Variants in ATL2 observed in about 807,000 individuals in gnomAD.
ATL2 encodes the protein atlastin GTPase 2, also known as atlastin-2.
A neutral mutation model predicts 73.9 loss-of-function variants in ATL2; 31 were observed. The observed-to-expected ratio is 0.42, with a 90% CI of 0.32 to 0.57. ATL2 has a LOEUF of 0.57. Ranked by LOEUF, ATL2 falls within the 20% of genes least tolerant of loss-of-function variation. The probability of loss-of-function intolerance (pLI) is 0.14; values close to 1 mark genes in which losing one functional copy is unlikely to be tolerated. For missense variants in ATL2, 738 were observed against 702.6 expected (o/e 1.05, Z -0.57); for synonymous variants, 291 against 237.5 (o/e 1.23, Z -2.07).
At chr2:38,365,126 G>A (rs75017053) in intron 1 of ATL2, among the ~76,000 whole-genome samples, 5,650 of 145,766 alleles carry the variant, frequency 0.039, 148 homozygotes, top group African/African-American at 0.073. Flanking sequence ...CAGTTAGCAA[G>A]GGAATCATAC....
chr2:38,342,874 T>A (rs955991926), intron 2 of ATL2, among the ~76,000 whole-genome samples: 2 of 151,792 alleles, frequency 1.3e-5, no homozygotes, highest in African/African-American at 4.8e-5. Flanking sequence ...AAACTTACAT[T>A]ACTGTATTGA....
chr2:38,368,870 C>T lies in ATL2; in HGVS notation c.118+8273G>A, dbSNP rs1486554919. ...CTGAGAGGTGGAGGTTGGAGGATCG[C>T]TTAACCCCAGGAGTTCGAGACTAGC... On this transcript the variant is annotated intron_variant, in intron 1 of 12. Coordinates refer to ENST00000378954, the MANE Select transcript of ATL2 (RefSeq NM_001135673.4). Among the ~76,000 whole-genome samples, 5 of 152,226 alleles carry T rather than the reference C, an allele frequency of 3.3e-5. No homozygotes were observed. The East Asian group carries it at 9.7e-4, about 29-fold the overall frequency.
intron 1 of ATL2, among the ~76,000 whole-genome samples, chr2:38,352,089 C>A (rs891027324): frequency 8.0e-6 from 1 of 125,348 alleles, no homozygotes; most frequent in Non-Finnish European, 1.6e-5. Context: ...CCAGCCTGGG[C>A]GACAGAGCAA....
At chr2:38,301,726 C>T (rs192460951) in intron 9 of ATL2, among the ~76,000 whole-genome samples, 436 of 152,312 alleles carry the variant, frequency 2.9e-3, no homozygotes, top group Non-Finnish European at 4.6e-3. Context: ...GCTCTGAGGT[C>T]CTGAATAAAC....
chr2:38,339,257 C>A (rs1194697458), intron 2 of ATL2, among the ~76,000 whole-genome samples: 1 of 151,902 alleles, frequency 6.6e-6, no homozygotes, highest in Non-Finnish European at 1.5e-5. Flanking sequence ...GGCTGAGAAA[C>A]TCACAGACCA....
intron 11 of ATL2, 92 bp from the exon 12 acceptor site, chr2:38,298,667 C>A (rs1667033346): frequency 7.6e-7 from 1 of 1,319,154 alleles, no homozygotes; most frequent in Admixed American, 2.2e-5. Flanking sequence ...GAAAGTCAAA[C>A]CACTTACATG....
At chr2:38,315,608 G>A (rs1036867807) in intron 4 of ATL2, among the ~76,000 whole-genome samples, 4 of 152,136 alleles carry the variant, frequency 2.6e-5, no homozygotes, top group African/African-American at 9.7e-5. Flanking sequence ...AAGAACAAGT[G>A]TGGTATCTAG....
intron 2 of ATL2, among the ~76,000 whole-genome samples, chr2:38,327,638 C>A (rs1019973491): frequency 4.8e-4 from 73 of 151,622 alleles, no homozygotes; most frequent in African/African-American, 1.7e-3. Flanking sequence ...CCTAAATACA[C>A]CAATTAAAAG....
At chr2:38,356,642 G>A (rs1670685612) in intron 1 of ATL2, among the ~76,000 whole-genome samples, 2 of 152,166 alleles carry the variant, frequency 1.3e-5, no homozygotes, top group South Asian at 2.1e-4. Context: ...TATAAAAGTT[G>A]TTCCAACAAA....
intron 1 of ATL2, among the ~76,000 whole-genome samples, chr2:38,361,559 G>C (rs1233452952): frequency 6.6e-6 from 1 of 151,970 alleles, no homozygotes; most frequent in Non-Finnish European, 1.5e-5. Context: ...AAGGTTATTG[G>C]GTGAACCATT....
intron 1 of ATL2, among the ~76,000 whole-genome samples, chr2:38,371,257 C>T (rs529535146): frequency 2.0e-5 from 3 of 150,016 alleles, no homozygotes; most frequent in Admixed American, 2.0e-4. Flanking sequence ...CCTGTAATCC[C>T]AACACTTGGG....
At chr2:38,377,071 G>T in intron 1 of ATL2, 72 bp downstream of exon 1, 1 of 1,450,850 alleles carries the variant, frequency 6.9e-7, no homozygotes, top group Non-Finnish European at 9.4e-7. Context: ...CCTGCGGCCG[G>T]TGCCCGCGAG....
intron 1 of ATL2, among the ~76,000 whole-genome samples, chr2:38,372,311 A>T (rs190859149): frequency 9.9e-5 from 15 of 152,192 alleles, no homozygotes; most frequent in Admixed American, 9.2e-4. Flanking sequence ...AACATGTACA[A>T]TTTTTTCTTG....
intron 9 of ATL2, among the ~76,000 whole-genome samples, chr2:38,306,916 G>C (rs1367820995): frequency 2.6e-5 from 4 of 152,184 alleles, no homozygotes; most frequent in Non-Finnish European, 4.4e-5. Context: ...TTGAGAAAAT[G>C]ACAGTGGCTT....
intron 9 of ATL2, among the ~76,000 whole-genome samples, chr2:38,303,644 T>C (rs1667297810): frequency 6.6e-6 from 1 of 152,060 alleles, no homozygotes; most frequent in African/African-American, 2.4e-5. Context: ...AGGGCAAATC[T>C]AAGAGTTCAT....
chr2:38,310,085 G>A (rs906323931), intron 8 of ATL2, among the ~76,000 whole-genome samples: 1 of 152,132 alleles, frequency 6.6e-6, no homozygotes, highest in East Asian at 1.9e-4. Flanking sequence ...CATCACTGCT[G>A]AGCAACAGAC....
At chr2:38,357,451 A>C (rs1466264384) in intron 1 of ATL2, among the ~76,000 whole-genome samples, 1 of 146,240 alleles carries the variant, frequency 6.8e-6, no homozygotes, top group Non-Finnish European at 1.5e-5. Context: ...GGATTAAGGA[A>C]AAAAAAAAAA....
intron 2 of ATL2, 112 bp downstream of exon 2, chr2:38,343,156 A>T: frequency 5.7e-6 from 2 of 351,884 alleles, no homozygotes; most frequent in South Asian, 1.7e-4. Flanking sequence ...AATTAAAAAA[A>T]AAAAAAAAAA....
At chr2:38,345,690 A>G (rs1313746666) in intron 1 of ATL2, among the ~76,000 whole-genome samples, 1 of 152,244 alleles carries the variant, frequency 6.6e-6, no homozygotes, top group Non-Finnish European at 1.5e-5. Flanking sequence ...CAATACAGTT[A>G]AATTCTAAAT....
Sources: allele counts gnomAD v4.1 joint callset (sites outside exome capture counted in the v4.1 genomes callset), GRCh38; gene constraint gnomAD v4.1.1; transcripts MANE v1.5; gene names NCBI Gene and HGNC (gene_info 2026-07-23, HGNC 2026-07-21).